PNCK: variants seen among roughly 807,000 people sequenced by gnomAD.
The protein encoded by PNCK is calcium/calmodulin-dependent protein kinase type 1B.
In PNCK, 21 loss-of-function variants were observed where a neutral mutation model predicts 28.3. The ratio of observed to expected loss-of-function variants is 0.74; its 90% confidence interval spans 0.53 to 1.07. The LOEUF (loss-of-function observed/expected upper bound fraction) is 1.07, where lower values mean the gene tolerates loss of function less well. PNCK is among the 50% of genes least tolerant of loss of function. The pLI, the probability that PNCK is intolerant of heterozygous loss-of-function variation, is 0.00. For missense variants in PNCK, 250 were observed against 298.3 expected, an observed-to-expected ratio of 0.84 and a Z score of 1.19; for synonymous variants, 136 against 125.2, an observed-to-expected ratio of 1.09 and a Z score of -0.58.
chrX:153,687,356 A>G lies in PNCK; in HGVS notation c.-3+75T>C, dbSNP rs1368384647. Reference sequence around the variant, plus strand: ...TTACCCGGGCCCCTTCTCTGCCTTGATGACAAAGTCGAGGCTTGCTCATCA... The same window carrying G: ...TTACCCGGGCCCCTTCTCTGCCTTGGTGACAAAGTCGAGGCTTGCTCATCA... On this transcript the variant is annotated intron_variant, in intron 1 of 3. Transcript: ENST00000419804. 5.3e-5 allele frequency: 17 copies of G among 321,753 alleles called. No individual in the cohort carries two copies. In the Admixed American group the frequency reaches 5.4e-4, roughly 10 times the overall value. 26.5% of individuals were successfully genotyped at this position (321,753 alleles called of 1,213,427 possible). A position where few individuals can be genotyped will look rare whatever the true frequency, so the allele number is the denominator to read the frequency against.
rs782090013 is a variant in PNCK at position 153,672,997 on chromosome X, G to A, written c.68+12C>T. 3.8e-5 allele frequency: 44 copies of A among 1,170,847 alleles called. No homozygotes were observed. Among genetic ancestry groups the A allele is most frequent in the African/African-American group, 3.3e-4 (18 of 55,350 alleles). ...CACACACACACGATCACACACGCGC[G>A]CGCACACTCACGAGCCGAGCCTCTC... is the stretch of plus-strand genomic sequence containing the variant. On this transcript the variant is annotated intron_variant, in intron 2 of 11. Transcript: ENST00000340888.
intron 2 of PNCK, 76 bp from the exon 3 acceptor site, chrX:153,672,773 G>A (rs781801115): frequency 7.0e-5 from 76 of 1,092,081 alleles, no homozygotes; most frequent in East Asian, 1.3e-4. Flanking sequence ...AGAGTGGAGC[G>A]GGGAGGGCCC....
chrX:153,686,143 C>T (rs996199776), intron 1 of PNCK, among the ~76,000 whole-genome samples: 1 of 109,878 alleles, frequency 9.1e-6, no homozygotes, highest in Non-Finnish European at 1.9e-5. Flanking sequence ...GGCCACCTCG[C>T]CCTCTGCCTC....
chrX:153,676,461 G>A (rs1358737023), upstream of PNCK, among the ~76,000 whole-genome samples: 8 of 112,145 alleles, frequency 7.1e-5, no homozygotes, highest in East Asian at 2.2e-3. Flanking sequence ...AAGGACAAAC[G>A]GCATAAGGAA....
intron 1 of PNCK, 77 bp from the exon 2 acceptor site, chrX:153,673,155 C>T: frequency 1.7e-6 from 2 of 1,176,989 alleles, no homozygotes; most frequent in Admixed American, 2.4e-5. Context: ...CCTCCACCCC[C>T]TGCCAGGCAG....
Position 153,670,512 on chromosome X carries a change from C to T in PNCK, c.977G>A (p.Gly326Asp). Reference protein sequence around the residue: ...IPEGEGASEQGMARHSHSGLR... With the variant: ...IPEGEGASEQDMARHSHSGLR... ...GCCTGAGTGGCTGTGGCGGGCCATG[C>T]CCTGCTCAGAGGCCCCCTCGCCCTC... The change falls in exon 11 of 12, where the codon GGC (glycine) becomes GAC (aspartate). Residue 326 changes from glycine to aspartate, a missense_variant. By Grantham distance (94) the Gly-to-Asp change is moderately conservative. Coordinates refer to ENST00000340888, the MANE Select transcript of PNCK (RefSeq NM_001366977.1). 1 of 1,209,579 alleles carries T rather than the reference C, an allele frequency of 8.3e-7. No individual in the cohort carries two copies. Among genetic ancestry groups the T allele is most frequent in the South Asian group, 1.8e-5 (1 of 56,644 alleles).
Position 153,670,936 on chromosome X carries a change from T to A in PNCK, c.788A>T (p.Gln263Leu). 8.2e-7 allele frequency: 1 copy of A among 1,212,148 alleles called. No homozygotes were observed. Among genetic ancestry groups the A allele is most frequent in the South Asian group, 1.8e-5 (1 of 57,019 alleles). Residue 263 changes from glutamine to leucine, a missense_variant, in exon 9 of 12, where the codon CAG (glutamine) becomes CTG (leucine). Gln to Leu is a moderately radical substitution (Grantham distance 113, BLOSUM62 -2). Transcript: ENST00000340888. ...RDPQKRFTCQ[Q>L]ALRHLWISGD... The stretch of plus-strand genomic sequence containing the variant: ...CACTCACCAAAGGTGCCGCAAGGCC[T>A]GTTGGCAGGTGAACCTCTTCTGGGG...
intron 1 of PNCK, among the ~76,000 whole-genome samples, chrX:153,685,111 T>C (rs2091413028): frequency 1.9e-5 from 2 of 104,567 alleles, no homozygotes; most frequent in Admixed American, 1.0e-4. Context: ...CACAAGGGCC[T>C]GGCAAGACAG....
At chrX:153,673,202 T>TCCCCC (rs782034247) in intron 1 of PNCK, 124 bp from the exon 2 acceptor site, 1 of 1,145,902 alleles carries the variant, frequency 8.7e-7, no homozygotes, top group East Asian at 3.2e-5. Flanking sequence ...GACCCTCCCC[T>TCCCCC]CCCCCGTCCA....
chrX:153,671,690 C>T lies in PNCK; in HGVS notation c.415-18G>A, dbSNP rs1216654823. ...TTTTCGGGCTGTGACACACGGACAC[C>T]GGGAAAAGGGCCAGTCAGTCCTGAC... On this transcript the variant is annotated intron_variant, in intron 5 of 11. Coordinates refer to ENST00000340888, the MANE Select transcript of PNCK (RefSeq NM_001366977.1). 4 of 1,176,897 alleles carry T rather than the reference C, an allele frequency of 3.4e-6. No homozygotes were observed. The highest frequency in any genetic ancestry group is 3.0e-5 in the East Asian group (1 of 33,460).
At chrX:153,687,017 A>G (rs1468297719) in intron 1 of PNCK, 2 of 136,572 alleles carry the variant, frequency 1.5e-5, no homozygotes, top group South Asian at 3.5e-4. Context: ...CAGGACAATG[A>G]CCACTTCCTT....
chrX:153,684,552 A>G (rs2091409202), intron 1 of PNCK, among the ~76,000 whole-genome samples: 1 of 106,850 alleles, frequency 9.4e-6, no homozygotes, highest in Non-Finnish European at 1.9e-5. Flanking sequence ...CTGGAAGTAC[A>G]AAGCCCTTCC....
rs2091292608 is a variant in PNCK, at chrX:153,671,154, G to A, written c.651C>T (p.Asp217=). The A allele has an allele frequency of 1.7e-6, 2 of 1,210,128 alleles. No individual in the cohort carries two copies. The highest frequency in any genetic ancestry group is 3.5e-5 in the African/African-American group (2 of 57,125). ...CGYPPFYDES[D]PELFSQILRA... ...TCAGGATCTGGCTGAAGAGCTCAGG[G>A]TCGCTCTCGTCGTAGAAGGGGGGGT... The change falls in exon 8 of 12, where the codon GAC becomes GAT. Residue 217 remains aspartate (D), a synonymous_variant. Transcript: ENST00000340888.
chrX:153,679,633 G>A (rs1160272500), upstream of PNCK, among the ~76,000 whole-genome samples: 3 of 92,815 alleles, frequency 3.2e-5, no homozygotes, highest in African/African-American at 4.2e-5. Flanking sequence ...GTGCAGTGGT[G>A]CAATCTCAGC....
intron 1 of PNCK, among the ~76,000 whole-genome samples, chrX:153,686,217 C>G (rs1399026002): frequency 2.7e-5 from 3 of 112,059 alleles, no homozygotes; most frequent in Non-Finnish European, 5.7e-5. Context: ...TGATCCTGTC[C>G]CTGGCCTCGG....
chrX:153,685,377 C>CG (rs1304844586), intron 1 of PNCK, among the ~76,000 whole-genome samples: 1 of 110,412 alleles, frequency 9.1e-6, no homozygotes, highest in Non-Finnish European at 1.9e-5. Flanking sequence ...ACTGGCCGCC[C>CG]GGGTCAGAGC....
At chrX:153,683,704 G>T (rs1313020792) in intron 1 of PNCK, among the ~76,000 whole-genome samples, 1 of 111,565 alleles carries the variant, frequency 9.0e-6, no homozygotes, top group Non-Finnish European at 1.9e-5. Flanking sequence ...CGAAAGCTAG[G>T]ATTTTTTAAA....
chrX:153,679,572 T>TTTC (rs2091385604), upstream of PNCK, among the ~76,000 whole-genome samples: 3 of 89,236 alleles, frequency 3.4e-5, no homozygotes, highest in African/African-American at 1.4e-4. Flanking sequence ...TTTTCTTTTT[T>TTTC]TTTTTTTTTT....
chrX:153,673,154 C>A (rs1440356566), intron 1 of PNCK, 76 bp from the exon 2 acceptor site: 5 of 1,173,783 alleles, frequency 4.3e-6, no homozygotes, highest in African/African-American at 1.8e-5. Flanking sequence ...TCCTCCACCC[C>A]CTGCCAGGCA....
Sources: gnomAD v4.1 joint callset for allele counts (sites outside exome capture counted in the v4.1 genomes callset) on GRCh38, gnomAD v4.1.1 for gene constraint, MANE v1.5 for transcripts, NCBI Gene and HGNC (gene_info 2026-07-23, HGNC 2026-07-21) for gene names.